The following FGF12 variants were observed in gnomAD, a reference collection of about 807,000 sequenced individuals.
The protein encoded by FGF12 is fibroblast growth factor 12, also known as fibroblast growth factor 12B.
A neutral mutation model predicts 23.6 loss-of-function variants in FGF12; 14 were observed. The ratio of observed to expected loss-of-function variants is 0.59; its 90% CI spans 0.39 to 0.93. The LOEUF is 0.93. Among genes scored for constraint, FGF12 ranks in the 40% least tolerant of loss-of-function variants. FGF12 has a pLI of 0.00. For missense variants in FGF12, 175 were observed against 217.8 expected (o/e 0.80, Z 1.24); for synonymous variants, 62 against 77.3 (o/e 0.80, Z 1.04).
intron 3 of FGF12, among the ~76,000 whole-genome samples, chr3:192,345,911 T>G (rs1717938389): frequency 6.6e-6 from 1 of 152,166 alleles, no homozygotes; most frequent in Non-Finnish European, 1.5e-5. Flanking sequence ...TTGATTTAGA[T>G]ATGCTCAAAG....
intron 2 of FGF12, among the ~76,000 whole-genome samples, chr3:192,679,949 G>C (rs955628833): frequency 5.3e-5 from 8 of 152,140 alleles, no homozygotes. Context: ...CTGACACCAG[G>C]TGTATGCCTG....
chr3:192,517,519 T>C (rs1307712771), intron 2 of FGF12, among the ~76,000 whole-genome samples: 2 of 152,236 alleles, frequency 1.3e-5, no homozygotes, highest in African/African-American at 4.8e-5. Context: ...GTGATTCTTA[T>C]GACCAGAGAG....
At position 192,354,558 on chromosome 3, in the gene FGF12, A is replaced by G. The variant is rs1051958268; in HGVS notation, c.124+5870T>C. ...AGATTTCCTAAAAATAAGAAAAGAC[A>G]TTTCATAGAATCAGATATAGACAGA... On this transcript the variant is annotated intron_variant, in intron 3 of 5. Transcript: ENST00000445105. Among the ~76,000 whole-genome samples the G allele has an allele frequency of 2.0e-4, 30 of 152,334 alleles. 1 individual carries two copies. Among genetic ancestry groups the G allele is most frequent in the Admixed American group, 1.6e-3 (24 of 15,298 alleles).
intron 2 of FGF12, among the ~76,000 whole-genome samples, chr3:192,398,828 G>A (rs1720637130): frequency 6.6e-6 from 1 of 152,192 alleles, no homozygotes; most frequent in South Asian, 2.1e-4. Flanking sequence ...AGAAGCCCCA[G>A]GCTTTGCAGG....
At chr3:192,479,809 T>A (rs1368121080) in intron 2 of FGF12, among the ~76,000 whole-genome samples, 2 of 152,292 alleles carry the variant, frequency 1.3e-5, no homozygotes, top group Non-Finnish European at 2.9e-5. Flanking sequence ...AAGAATATTT[T>A]AAAAATTATT....
chr3:192,263,091 A>G (rs1712863519), intron 4 of FGF12, among the ~76,000 whole-genome samples: 1 of 152,036 alleles, frequency 6.6e-6, no homozygotes, highest in Admixed American at 6.6e-5. Flanking sequence ...TAGGATTTCT[A>G]TTTTTCTACT....
chr3:192,654,790 G>T (rs1375348685), intron 2 of FGF12, among the ~76,000 whole-genome samples: 7 of 152,018 alleles, frequency 4.6e-5, no homozygotes. Flanking sequence ...ACTGGTTATG[G>T]TTTTCGTATA....
At chr3:192,400,049 T>C (rs1016500336) in intron 2 of FGF12, among the ~76,000 whole-genome samples, 11 of 152,200 alleles carry the variant, frequency 7.2e-5, no homozygotes, top group African/African-American at 2.4e-4. Flanking sequence ...GGTTTTCTTC[T>C]TGAATATTTC....
intron 4 of FGF12, among the ~76,000 whole-genome samples, chr3:192,314,722 A>T (rs1024907007): frequency 2.6e-5 from 4 of 152,244 alleles, no homozygotes; most frequent in African/African-American, 7.2e-5. Context: ...CAGGAAAGTA[A>T]ACATAAGAAA....
At chr3:192,374,712 T>A (rs1430256927) in intron 2 of FGF12, among the ~76,000 whole-genome samples, 2 of 152,138 alleles carry the variant, frequency 1.3e-5, no homozygotes, top group African/African-American at 4.8e-5. Context: ...TTATAGATGT[T>A]AATACTAAGG....
chr3:192,262,453 A>C (rs563577596), intron 4 of FGF12, among the ~76,000 whole-genome samples: 1 of 152,296 alleles, frequency 6.6e-6, no homozygotes, highest in Non-Finnish European at 1.5e-5. Flanking sequence ...ATTATGGTAT[A>C]TATAGTTGTG....
intron 2 of FGF12, among the ~76,000 whole-genome samples, chr3:192,701,259 G>A (rs1718287131): frequency 6.6e-6 from 1 of 152,074 alleles, no homozygotes; most frequent in Admixed American, 6.5e-5. Flanking sequence ...CCTTTGAGTT[G>A]TCCTGTCTTT....
intron 2 of FGF12, among the ~76,000 whole-genome samples, chr3:192,720,109 A>T (rs1258202833): frequency 1.3e-5 from 2 of 152,248 alleles, no homozygotes; most frequent in Non-Finnish European, 2.9e-5. Flanking sequence ...CTTTTTCTGC[A>T]GTCTAGTCCC....
intron 2 of FGF12, among the ~76,000 whole-genome samples, chr3:192,557,250 T>A (rs1711822370): frequency 7.9e-6 from 1 of 127,040 alleles, no homozygotes. Context: ...TAGAAAGAAA[T>A]CAACAAAATT....
chr3:192,680,490 G>T (rs546189702), intron 2 of FGF12, among the ~76,000 whole-genome samples: 1 of 152,204 alleles, frequency 6.6e-6, no homozygotes, highest in Middle Eastern at 3.4e-3. Flanking sequence ...TTTTGCAGGG[G>T]TTATTCAGGT....
intron 2 of FGF12, among the ~76,000 whole-genome samples, chr3:192,481,391 T>A (rs113707265): frequency 6.6e-6 from 1 of 152,200 alleles, no homozygotes; most frequent in South Asian, 2.1e-4. Context: ...TCAGATTCCA[T>A]TGGGTAGCAG....
At chr3:192,709,726 G>A (rs969798282) in intron 2 of FGF12, among the ~76,000 whole-genome samples, 2 of 152,162 alleles carry the variant, frequency 1.3e-5, no homozygotes, top group East Asian at 3.9e-4. Flanking sequence ...ATTATTGCTT[G>A]AATAGTGAGA....
chr3:192,653,272 G>C (rs1233196088), intron 2 of FGF12, among the ~76,000 whole-genome samples: 1 of 152,172 alleles, frequency 6.6e-6, no homozygotes, highest in Non-Finnish European at 1.5e-5. Context: ...TAGGAGTGGT[G>C]ACGAGAAATA....
intron 4 of FGF12, among the ~76,000 whole-genome samples, chr3:192,291,065 AAATTACCATGTCTCCAG>A (rs1714731982): frequency 6.6e-6 from 1 of 152,162 alleles, no homozygotes; most frequent in Non-Finnish European, 1.5e-5. Context: ...AAATAACATT[AAATTACCATGTCTCCAG>A]TTCATGGACT....
Sources: allele counts gnomAD v4.1 joint callset (sites outside exome capture counted in the v4.1 genomes callset), GRCh38; gene constraint gnomAD v4.1.1; transcripts MANE v1.5; gene names NCBI Gene and HGNC (gene_info 2026-07-23, HGNC 2026-07-21).